The following FAM120C variants were observed in gnomAD, a reference collection of about 807,000 sequenced individuals.
The protein encoded by FAM120C is family with sequence similarity 120 member C, also known as constitutive coactivator of PPAR-gamma-like protein 2.
A neutral mutation model predicts 71.2 loss-of-function variants in FAM120C; 14 were observed. The observed-to-expected ratio is 0.20, with a 90% CI of 0.13 to 0.31. FAM120C has a LOEUF of 0.31. Ranked by LOEUF, FAM120C falls within the 10% of genes least tolerant of loss-of-function variation. The probability of loss-of-function intolerance (pLI) is 1.00; values close to 1 mark genes in which losing one functional copy is unlikely to be tolerated. For missense variants in FAM120C, 500 were observed against 879.0 expected (o/e 0.57, Z 5.45); for synonymous variants, 354 against 353.2 (o/e 1.00, Z -0.03).
chrX:54,111,759 A>T (rs1159479944), intron 10 of FAM120C, among the ~76,000 whole-genome samples: 2 of 112,055 alleles, frequency 1.8e-5, no homozygotes, highest in African/African-American at 6.5e-5. Flanking sequence ...TACCAACATA[A>T]TTTTCCACAG....
intron 4 of FAM120C, chrX:54,147,296 G>C (rs1363664748): frequency 9.0e-6 from 1 of 110,823 alleles, no homozygotes; most frequent in Non-Finnish European, 1.9e-5. Flanking sequence ...CAGCCTGGGT[G>C]ACAGAGTGAG....
chrX:54,125,190 T>C (rs1280975024), intron 9 of FAM120C, among the ~76,000 whole-genome samples: 3 of 97,633 alleles, frequency 3.1e-5, no homozygotes, highest in East Asian at 3.1e-4. Flanking sequence ...GCCTGGGTAA[T>C]AGAGCGAGAC....
At position 54,071,514 on chromosome X, in the gene FAM120C, C is replaced by T. The variant is rs1415866321; in HGVS notation, c.*1519G>A. The stretch of plus-strand genomic sequence containing the variant: ...TCCTCTCTCCTTCAGGGATTCATGT[C>T]AATCAATTCTAGCCTGAAACCAATT... On this transcript the variant is annotated 3_prime_UTR_variant, in exon 16 of 16. Coordinates refer to ENST00000375180, the MANE Select transcript of FAM120C (RefSeq NM_017848.6). 2 of 112,989 alleles carry T rather than the reference C, an allele frequency of 1.8e-5. No individual in the cohort carries two copies. Among genetic ancestry groups the T allele is most frequent in the Non-Finnish European group, 3.7e-5 (2 of 53,380 alleles). The allele number at this position is 112,989 out of a possible 1,213,427, so 9.3% of individuals were successfully genotyped here.
rs781816271 is a variant in FAM120C, at chrX:54,153,573, A to AT, written c.1030-2201dup. Among the ~76,000 whole-genome samples, 536 of 92,439 alleles carry AT rather than the reference A, an allele frequency of 5.8e-3. 1 individual carries two copies. Among genetic ancestry groups the AT allele is most frequent in the Middle Eastern group, 0.011 (2 of 185 alleles). The allele number at this position is 92,439 out of a possible 115,157, so 80.3% of individuals were successfully genotyped here. A position where few individuals can be genotyped will look rare whatever the true frequency, so the allele number is the denominator to read the frequency against. ...CAGGCACACAACACCACGCCCAGCT[A>AT]TTTTTTTTTTTTTTGAGACACAGTC... is the stretch of plus-strand genomic sequence containing the variant. On this transcript the variant is annotated intron_variant, in intron 3 of 15. Coordinates refer to ENST00000375180, the MANE Select transcript of FAM120C (RefSeq NM_017848.6).
At chrX:54,076,045 A>C (rs1326904415) in intron 15 of FAM120C, among the ~76,000 whole-genome samples, 1 of 106,711 alleles carries the variant, frequency 9.4e-6, no homozygotes, top group Non-Finnish European at 1.9e-5. Flanking sequence ...CCTGGGAGGC[A>C]GAGGTTGCGG....
intron 1 of FAM120C, among the ~76,000 whole-genome samples, chrX:54,160,527 T>C (rs1369915664): frequency 1.8e-5 from 2 of 111,382 alleles, no homozygotes; most frequent in East Asian, 5.6e-4. Flanking sequence ...TTTTATGTAA[T>C]AGAGGTAAAC....
At position 54,068,942 on chromosome X, in the gene FAM120C, T is replaced by A. The variant is rs1331029276; in HGVS notation, c.*4091A>T. ...GATTAATAAAATCTGAAATATTTAT[T>A]TTGCTTCATTTACATGAAAATTCAC... is the stretch of plus-strand genomic sequence containing the variant. On this transcript the variant is annotated 3_prime_UTR_variant, in exon 16 of 16. Transcript: ENST00000375180. 1.8e-5 allele frequency: 2 copies of A among 111,673 alleles called. No individual in the cohort carries two copies. The highest frequency in any genetic ancestry group is 5.6e-4 in the East Asian group (2 of 3,594). The allele number at this position is 111,673 out of a possible 1,213,427, so 9.2% of individuals were successfully genotyped here. A position where few individuals can be genotyped will look rare whatever the true frequency, so the allele number is the denominator to read the frequency against.
At position 54,134,814 on chromosome X, in the gene FAM120C, T is replaced by C; in HGVS notation, c.1616+17A>G. The stretch of plus-strand genomic sequence containing the variant: ...CCTCAGAAATCTACTTCCTTAGGTG[T>C]CTACAGAGATACTTACTCAGAGCTA... On this transcript the variant is annotated intron_variant, in intron 7 of 15. Coordinates refer to ENST00000375180, the MANE Select transcript of FAM120C (RefSeq NM_017848.6). The C allele has an allele frequency of 5.0e-6, 6 of 1,196,524 alleles. No homozygotes were observed. The highest frequency in any genetic ancestry group is 6.8e-6 in the Non-Finnish European group (6 of 887,389).
At chrX:54,158,719 A>T (rs782421049) in intron 2 of FAM120C, among the ~76,000 whole-genome samples, 8 of 111,632 alleles carry the variant, frequency 7.2e-5, no homozygotes, top group Non-Finnish European at 1.1e-4. Flanking sequence ...CAGTGAGTCG[A>T]GATCGTGCCA....
In FAM120C at chrX:54,160,493, C is replaced by T. The variant is rs140890866; in HGVS notation, c.700-877G>A. Among the ~76,000 whole-genome samples, 188 of 111,134 alleles carry T rather than the reference C, an allele frequency of 1.7e-3. 1 individual carries two copies. The East Asian group carries it at 0.023, about 14-fold the overall frequency. On this transcript the variant is annotated intron_variant, in intron 1 of 15. Coordinates refer to ENST00000375180, the MANE Select transcript of FAM120C (RefSeq NM_017848.6). ...GGAATGCACACTTTCTGTTGTACCA[C>T]GCTTCTTCCTGGAGATCACTATTTT...
At chrX:54,109,612 C>G (rs1278044929) in intron 10 of FAM120C, among the ~76,000 whole-genome samples, 1 of 102,186 alleles carries the variant, frequency 9.8e-6, no homozygotes, top group African/African-American at 3.6e-5. Flanking sequence ...AAGACCCTGG[C>G]TATAAAAAAA....
intron 10 of FAM120C, among the ~76,000 whole-genome samples, chrX:54,106,024 C>T (rs2066905313): frequency 8.9e-6 from 1 of 111,858 alleles, no homozygotes; most frequent in Non-Finnish European, 1.9e-5. Context: ...CATCAAACTA[C>T]CAATGACTTT....
intron 15 of FAM120C, among the ~76,000 whole-genome samples, chrX:54,078,194 C>T (rs1346674974): frequency 4.7e-5 from 5 of 107,101 alleles, no homozygotes; most frequent in African/African-American, 1.7e-4. Context: ...CCGCCCGCCT[C>T]GGCCTCCCAA....
intron 10 of FAM120C, among the ~76,000 whole-genome samples, chrX:54,103,041 A>C (rs1557124342): frequency 9.0e-6 from 1 of 111,410 alleles, no homozygotes; most frequent in African/African-American, 3.3e-5. Context: ...TAATTTTAGC[A>C]TTAGTTTGTT....
chrX:54,174,240 G>A (rs2067304341), intron 1 of FAM120C: 1 of 502,074 alleles, frequency 2.0e-6, no homozygotes, highest in Non-Finnish European at 3.6e-6. Context: ...CCTAATCTTG[G>A]AAGTGACATC....
At chrX:54,087,139 C>A (rs1255637455) in intron 12 of FAM120C, among the ~76,000 whole-genome samples, 36 of 110,177 alleles carry the variant, frequency 3.3e-4, no homozygotes, top group Non-Finnish European at 9.5e-5. Context: ...ATGGTGAAAT[C>A]CCATTTCTAC....
intron 3 of FAM120C, among the ~76,000 whole-genome samples, chrX:54,154,817 G>A (rs1325687890): frequency 9.0e-6 from 1 of 111,096 alleles, no homozygotes; most frequent in Non-Finnish European, 1.9e-5. Context: ...GGAGAGGTCA[G>A]AGCTGAAGAC....
At chrX:54,076,140 A>G (rs1278228000) in intron 15 of FAM120C, among the ~76,000 whole-genome samples, 2 of 109,345 alleles carry the variant, frequency 1.8e-5, no homozygotes, top group Non-Finnish European at 3.8e-5. Flanking sequence ...GGAGTTCAAA[A>G]CCAGCCAGGC....
At chrX:54,110,317 G>T (rs1367699040) in intron 10 of FAM120C, among the ~76,000 whole-genome samples, 1 of 109,517 alleles carries the variant, frequency 9.1e-6, no homozygotes, top group Non-Finnish European at 1.9e-5. Context: ...TTAGGGGTAG[G>T]GGAGAATTTA....
Sources: gnomAD v4.1 joint callset for allele counts (sites outside exome capture counted in the v4.1 genomes callset) on GRCh38, gnomAD v4.1.1 for gene constraint, MANE v1.5 for transcripts, NCBI Gene and HGNC (gene_info 2026-07-23, HGNC 2026-07-21) for gene names.